Variants in NEAT1 observed in about 807,000 individuals in gnomAD.
NEAT1 encodes nuclear paraspeckle assembly transcript 1, also known as MENepsilon/beta.
At chr11:65,433,523 C>T (rs1856631378) in exon 1 of NEAT1, 1 of 152,026 alleles carries the variant, frequency 6.6e-6, no homozygotes, top group Non-Finnish European at 1.5e-5. Flanking sequence ...TTCTGAATCT[C>T]CTATCCAATA....
chr11:65,440,748 G>C (rs1856706422), exon 1 of NEAT1: 1 of 151,098 alleles, frequency 6.6e-6, no homozygotes, highest in Admixed American at 6.6e-5. Flanking sequence ...GGGAGGCTGA[G>C]GCAGGAGAAT....
exon 1 of NEAT1, chr11:65,428,033 C>T (rs897621943): frequency 6.6e-6 from 1 of 152,216 alleles, no homozygotes; most frequent in Admixed American, 6.5e-5. Context: ...GGGGCTGGGG[C>T]CACATTCTTT....
exon 1 of NEAT1, chr11:65,425,016 G>T (rs928832494): frequency 6.6e-6 from 1 of 151,976 alleles, no homozygotes; most frequent in South Asian, 2.1e-4. Flanking sequence ...TACAGTGTGG[G>T]TGGTGGGGGT....
chr11:65,443,179 C>G (rs981599670), exon 1 of NEAT1: 1 of 152,268 alleles, frequency 6.6e-6, no homozygotes, highest in Admixed American at 6.5e-5. Context: ...CTCACCGTCA[C>G]TCCTGGGGTC....
exon 1 of NEAT1, chr11:65,444,493 T>A (rs768430062): frequency 2.1e-6 from 1 of 481,166 alleles, no homozygotes; most frequent in South Asian, 1.5e-5. Context: ...GCTTCTGAGC[T>A]CCTTAGCACT....
chr11:65,440,317 T>G (rs1856701953), exon 1 of NEAT1: 1 of 151,662 alleles, frequency 6.6e-6, no homozygotes, highest in Admixed American at 6.6e-5. Flanking sequence ...CAGAAATAAA[T>G]TAGAAGGCCA....
At chr11:65,428,584 A>G (rs979675899) in exon 1 of NEAT1, 8 of 152,220 alleles carry the variant, frequency 5.3e-5, no homozygotes, top group African/African-American at 1.9e-4. Flanking sequence ...AAATGTTCGT[A>G]TTTAACAAAA....
chr11:65,425,288 T>G (rs1395099549), exon 1 of NEAT1: 1 of 151,802 alleles, frequency 6.6e-6, no homozygotes, highest in African/African-American at 2.4e-5. Flanking sequence ...TGACACAGAG[T>G]CACCAGTTTT....
At chr11:65,429,085 A>G (rs1001815210) in exon 1 of NEAT1, 5 of 152,180 alleles carry the variant, frequency 3.3e-5, no homozygotes, top group Middle Eastern at 3.2e-3. Flanking sequence ...CAATTTAAAC[A>G]ATCTTGTTTC....
exon 1 of NEAT1, chr11:65,437,228 C>CATAT (rs377012577): frequency 1.5e-5 from 2 of 129,288 alleles, no homozygotes; most frequent in African/African-American, 3.0e-5. Flanking sequence ...TATATATATA[C>CATAT]ATATATATAT....
exon 1 of NEAT1, chr11:65,444,068 G>A: frequency 5.1e-6 from 1 of 196,030 alleles, no homozygotes; most frequent in South Asian, 6.7e-5. Flanking sequence ...CAGTAAGTAA[G>A]TGCCCGCACC....
exon 1 of NEAT1, chr11:65,423,736 A>C (rs1856527725): frequency 6.6e-6 from 1 of 152,124 alleles, no homozygotes. Flanking sequence ...TTAAAACATT[A>C]CCTGGTCATC....
At chr11:65,437,195 G>GTATATATATATATATGTGTATATATATA (rs1565634255) in exon 1 of NEAT1, 72 of 129,052 alleles carry the variant, frequency 5.6e-4, no homozygotes, top group African/African-American at 2.2e-3. Context: ...ATATATATAT[G>GTATATATATATATATGTGTATATATATA]TATATATATA....
exon 1 of NEAT1, chr11:65,439,872 G>A (rs1856698115): frequency 6.6e-6 from 1 of 152,198 alleles, no homozygotes; most frequent in African/African-American, 2.4e-5. Context: ...CAACTCCAGT[G>A]TGTCTCTTTG....
At chr11:65,430,560 A>C (rs1202784243) in exon 1 of NEAT1, 1 of 152,200 alleles carries the variant, frequency 6.6e-6, no homozygotes, top group African/African-American at 2.4e-5. Flanking sequence ...TTCGTGCTCA[A>C]AAAAGATCAT....
At position 65,439,229 on chromosome 11, in the gene NEAT1, G is replaced by A. The variant is rs547669690; in HGVS notation, n.16432G>A. ...GCCTTGGCCCACTTTTTAATTAGGCGTTTGTCTTTTTATTACTGAGTTGTA... is the reference window on the plus strand; with the variant it reads ...GCCTTGGCCCACTTTTTAATTAGGCATTTGTCTTTTTATTACTGAGTTGTA... On this transcript the variant is annotated non_coding_transcript_exon_variant, in exon 1 of 1. Coordinates refer to ENST00000501122, the Ensembl canonical transcript of NEAT1. 226 of 152,200 alleles carry A rather than the reference G, an allele frequency of 1.5e-3. 1 individual carries two copies. The highest frequency in any genetic ancestry group is 5.0e-3 in the African/African-American group (207 of 41,514). The allele number at this position is 152,200 out of a possible 1,614,324, so 9.4% of individuals were successfully genotyped here. A position where few individuals can be genotyped will look rare whatever the true frequency, so the allele number is the denominator to read the frequency against.
At chr11:65,436,014 G>A (rs563760489) in exon 1 of NEAT1, 9 of 152,378 alleles carry the variant, frequency 5.9e-5, no homozygotes, top group African/African-American at 2.2e-4. Flanking sequence ...AAGGAGTGCT[G>A]TCTGCGCCTG....
At position 65,433,714 on chromosome 11, in the gene NEAT1, TTA is replaced by T. The variant is rs1395498835; in HGVS notation, n.10919_10920del. 7.9e-5 allele frequency: 12 copies of T among 151,688 alleles called. 1 individual carries two copies. Among genetic ancestry groups the T allele is most frequent in the Admixed American group, 7.2e-4 (11 of 15,230 alleles). 9.4% of individuals were successfully genotyped at this position (151,688 alleles called of 1,614,324 possible). A position where few individuals can be genotyped will look rare whatever the true frequency, so the allele number is the denominator to read the frequency against. Reference sequence around the variant, plus strand: ...TTCTTATAATTTTCTTTTTTTTTCTTTATGTGTGTGTGTGTGTGTGTATATAT... The same window carrying T: ...TTCTTATAATTTTCTTTTTTTTTCTTTGTGTGTGTGTGTGTGTGTATATAT... On this transcript the variant is annotated non_coding_transcript_exon_variant, in exon 1 of 1. Transcript: ENST00000501122.
chr11:65,424,755 G>A (rs1856543536), exon 1 of NEAT1: 1 of 152,204 alleles, frequency 6.6e-6, no homozygotes, highest in Non-Finnish European at 1.5e-5. Context: ...GAAGGGAATG[G>A]TGGGTACACC....
Sources: gnomAD v4.1 joint callset for allele counts on GRCh38, gnomAD v4.1.1 for gene constraint, MANE v1.5 for transcripts, NCBI Gene and HGNC (gene_info 2026-07-23, HGNC 2026-07-21) for gene names.